Variants in PCDHA12 observed in about 807,000 individuals in gnomAD.
PCDHA12 encodes protocadherin alpha-12.
PCDHA12 carries 44 observed loss-of-function variants against 60.0 expected under a neutral mutation model. That is an observed-to-expected ratio of 0.73 (90% CI 0.58 to 0.94). The LOEUF (loss-of-function observed/expected upper bound fraction) is 0.94. Among genes scored for constraint, PCDHA12 ranks in the 40% least tolerant of loss-of-function variants. The pLI is 0.00. For synonymous variants in PCDHA12, 569 were observed against 553.0 expected, an observed-to-expected ratio of 1.03 and a Z score of -0.40; for missense variants, 1,276 against 1,239.7, an observed-to-expected ratio of 1.03 and a Z score of -0.44.
At chr5:140,990,288 C>T (rs537252814) in intron 3 of PCDHA12, among the ~76,000 whole-genome samples, 1 of 152,226 alleles carries the variant, frequency 6.6e-6, no homozygotes, top group South Asian at 2.1e-4. Context: ...TTGAGATTAT[C>T]GATGCCATTG....
At chr5:140,908,073 G>A (rs2153503880) in intron 1 of PCDHA12, among the ~76,000 whole-genome samples, 1 of 152,322 alleles carries the variant, frequency 6.6e-6, no homozygotes, top group Admixed American at 6.5e-5. Context: ...CATGAAAAGT[G>A]CACAACCAGG....
At chr5:140,998,687 C>T (rs922040842) in intron 3 of PCDHA12, among the ~76,000 whole-genome samples, 9 of 152,042 alleles carry the variant, frequency 5.9e-5, no homozygotes, top group Non-Finnish European at 1.5e-5. Flanking sequence ...GCCTCAGCCT[C>T]CCAAGTAGCT....
In PCDHA12 at chr5:140,876,565, G is replaced by C. The variant is rs371696514; in HGVS notation, c.1093G>C (p.Val365Leu). 63 of 1,614,064 alleles carry C rather than the reference G, an allele frequency of 3.9e-5. No homozygotes were observed. In the Middle Eastern group the frequency reaches 4.9e-4, roughly 13 times the overall value. Residue 365 changes from valine to leucine, a missense_variant, in exon 1 of 4, where the codon GTG becomes CTG. By Grantham distance (32) the Val-to-Leu change is conservative. Transcript: ENST00000398631. ...GCTCCCTGTGCAAGAGGATGCTCAG[G>C]TGGGTACCGTCATTGCCCTGATTAG... ...LSLPVQEDAQ[V>L]GTVIALISVS...
chr5:140,887,446 C>T (rs554116341), intron 1 of PCDHA12, among the ~76,000 whole-genome samples: 1 of 152,170 alleles, frequency 6.6e-6, no homozygotes, highest in East Asian at 1.9e-4. Flanking sequence ...GCATAGTTGA[C>T]AGTTTTTTAA....
chr5:140,941,243 CTT>C (rs782176516), intron 1 of PCDHA12, among the ~76,000 whole-genome samples: 1 of 131,826 alleles, frequency 7.6e-6, no homozygotes, highest in Non-Finnish European at 1.6e-5. Flanking sequence ...TTCTTTCTTT[CTT>C]TCTTTCTTTC....
intron 1 of PCDHA12, chr5:140,926,544 C>G (rs9765406): frequency 0.16 from 35,740 of 221,378 alleles, 3,305 homozygotes; most frequent in African/African-American, 0.26. Context: ...GCGTGGTGGT[C>G]GAGACCCCAG....
At chr5:140,931,962 A>G (rs1439185046) in intron 1 of PCDHA12, among the ~76,000 whole-genome samples, 1 of 151,924 alleles carries the variant, frequency 6.6e-6, no homozygotes, top group Non-Finnish European at 1.5e-5. Context: ...AATCATGTTG[A>G]TGCATATGTG....
chr5:140,938,828 G>A (rs570802606), intron 1 of PCDHA12, among the ~76,000 whole-genome samples: 84 of 152,072 alleles, frequency 5.5e-4, no homozygotes, highest in Admixed American at 1.4e-3. Context: ...ATGAGTTTGC[G>A]TTATAACAAA....
intron 3 of PCDHA12, among the ~76,000 whole-genome samples, chr5:141,002,749 A>G (rs2098093412): frequency 1.3e-5 from 2 of 152,202 alleles, no homozygotes; most frequent in South Asian, 4.1e-4. Flanking sequence ...TACATCGACA[A>G]CCCTGTGATG....
chr5:140,977,864 GGTAAGTATAAT>G (rs1175044090), intron 1 of PCDHA12, among the ~76,000 whole-genome samples: 1 of 152,140 alleles, frequency 6.6e-6, no homozygotes, highest in Non-Finnish European at 1.5e-5. Context: ...TACCAAATAT[GGTAAGTATAAT>G]GTAGAGGAAA....
At chr5:140,979,937 A>G (rs563499415) in intron 2 of PCDHA12, among the ~76,000 whole-genome samples, 1 of 152,388 alleles carries the variant, frequency 6.6e-6, no homozygotes, top group African/African-American at 2.4e-5. Context: ...GTATGTGTAG[A>G]GTTAATGTGA....
chr5:140,882,868 G>A (rs1283664390), intron 1 of PCDHA12: 25 of 1,614,184 alleles, frequency 1.5e-5, no homozygotes, highest in Middle Eastern at 1.6e-4. Context: ...GGAAAACACT[G>A]GACAGAGAGG....
Position 140,876,048 on chromosome 5 carries a change from T to G in PCDHA12, c.576T>G (p.Pro192=). The G allele has an allele frequency of 6.2e-7, 1 of 1,613,930 alleles. No individual in the cohort carries two copies. The highest frequency in any genetic ancestry group is 8.5e-7 in the Non-Finnish European group (1 of 1,179,900). Residue 192 remains proline, a synonymous_variant, in exon 1 of 4, where the codon CCT becomes CCG. Transcript: ENST00000398631. ...CAAAAAAAGATAAAAGTATATTGCC[T>G]GAATTAGTTCTTCGGAAGTTATTGG... is the stretch of plus-strand genomic sequence containing the variant. The part of the protein sequence containing the change: ...IKTKKDKSIL[P]ELVLRKLLDR...
At chr5:140,969,847 A>G (rs2096364168) in intron 1 of PCDHA12, among the ~76,000 whole-genome samples, 1 of 152,150 alleles carries the variant, frequency 6.6e-6, no homozygotes. Flanking sequence ...TATCTAGTTA[A>G]TATTTCTGGT....
At chr5:140,946,342 A>G (rs2093932164) in intron 1 of PCDHA12, among the ~76,000 whole-genome samples, 1 of 151,846 alleles carries the variant, frequency 6.6e-6, no homozygotes, top group African/African-American at 2.4e-5. Context: ...CAAGTGATGG[A>G]GAGGATGTGG....
chr5:140,968,094 A>G, intron 1 of PCDHA12: 1 of 1,614,138 alleles, frequency 6.2e-7, no homozygotes. Flanking sequence ...ACAGCCACAG[A>G]TGGGGGAATA....
At chr5:140,882,535 G>A (rs2059175245) in intron 1 of PCDHA12, 4 of 1,614,232 alleles carry the variant, frequency 2.5e-6, no homozygotes, top group East Asian at 2.2e-5. Flanking sequence ...TGAATTCTCG[G>A]ATCGACCGCG....
At chr5:140,931,977 T>G (rs1207911799) in intron 1 of PCDHA12, among the ~76,000 whole-genome samples, 2 of 151,978 alleles carry the variant, frequency 1.3e-5, no homozygotes, top group Non-Finnish European at 2.9e-5. Flanking sequence ...TATGTGTTTA[T>G]ATTTTGCTCA....
intron 1 of PCDHA12, chr5:140,966,627 C>G: frequency 6.3e-6 from 6 of 951,596 alleles, no homozygotes; most frequent in Non-Finnish European, 8.6e-6. Flanking sequence ...AGGGAGCGGC[C>G]CCAGGCGCTT....
Sources: allele counts gnomAD v4.1 joint callset (sites outside exome capture counted in the v4.1 genomes callset), GRCh38; gene constraint gnomAD v4.1.1; transcripts MANE v1.5; gene names NCBI Gene and HGNC (gene_info 2026-07-23, HGNC 2026-07-21).